SUSD1: variants seen among roughly 807,000 people sequenced by gnomAD.
SUSD1 encodes the protein sushi domain-containing protein 1.
Under a neutral mutation model 86.9 loss-of-function variants are expected in SUSD1, and 65 were observed. The ratio of observed to expected loss-of-function variants is 0.75; its 90% CI spans 0.61 to 0.92. SUSD1 has a LOEUF of 0.92. Ranked by LOEUF, SUSD1 falls within the 40% of genes least tolerant of loss-of-function variation. SUSD1 has a pLI of 0.00. For synonymous variants in SUSD1, 346 were observed against 350.0 expected (o/e 0.99, Z 0.13); for missense variants, 850 against 929.7 (o/e 0.91, Z 1.11).
At chr9:112,058,180 C>G (rs1473487446) in intron 14 of SUSD1, among the ~76,000 whole-genome samples, 1 of 139,764 alleles carries the variant, frequency 7.2e-6, no homozygotes, top group Non-Finnish European at 1.5e-5. Context: ...ATCTGTAAAG[C>G]TTAAGAGTAA....
rs763031970 is a variant in SUSD1, at chr9:112,149,264, T to C, written c.353A>G (p.Asn118Ser). 5.0e-6 allele frequency: 8 copies of C among 1,614,166 alleles called. 1 individual carries two copies. Among genetic ancestry groups the C allele is most frequent in the South Asian group, 4.4e-5 (4 of 91,086 alleles). The change falls in exon 3 of 17, where the codon AAC (asparagine) becomes AGC (serine). Residue 118 changes from asparagine to serine, a missense_variant. By Grantham distance (46) the Asn-to-Ser change is conservative. Coordinates refer to ENST00000374270, the MANE Select transcript of SUSD1 (RefSeq NM_022486.5). ...ATNNNKTFIP[N>S]DGTFCTDIDE... ...AGTACCTGTACAAAAGGTGCCATCG[T>C]TGGGAATGAATGTCTTGTTGTTGTT...
chr9:112,048,870 A>G (rs548254100), intron 15 of SUSD1, among the ~76,000 whole-genome samples: 2 of 152,232 alleles, frequency 1.3e-5, no homozygotes, highest in Admixed American at 6.5e-5. Flanking sequence ...TTAAGAGGAG[A>G]AAGCATGGGC....
intron 13 of SUSD1, among the ~76,000 whole-genome samples, chr9:112,061,776 G>A (rs948694806): frequency 2.0e-5 from 3 of 151,750 alleles, no homozygotes; most frequent in Admixed American, 1.3e-4. Context: ...AGATAATATC[G>A]CCAGACTTTC....
At chr9:112,117,830 G>T (rs1016261423) in intron 6 of SUSD1, among the ~76,000 whole-genome samples, 7 of 152,170 alleles carry the variant, frequency 4.6e-5, no homozygotes, top group African/African-American at 1.7e-4. Flanking sequence ...GCTAAATGTT[G>T]TGGAAAGGTT....
At chr9:112,098,810 A>G (rs1044939471) in intron 9 of SUSD1, 148 bp from the exon 10 acceptor site, 1 of 745,770 alleles carries the variant, frequency 1.3e-6, no homozygotes, top group African/African-American at 1.8e-5. Context: ...TAGCAAGCTA[A>G]CCTGAGGAAG....
chr9:112,070,746 T>C (rs1320528793), intron 12 of SUSD1, among the ~76,000 whole-genome samples: 3 of 151,932 alleles, frequency 2.0e-5, no homozygotes, highest in African/African-American at 4.8e-5. Flanking sequence ...AAATGTATCA[T>C]AAAATTACAG....
At chr9:112,166,448 A>T (rs1833830775) in intron 1 of SUSD1, among the ~76,000 whole-genome samples, 1 of 152,184 alleles carries the variant, frequency 6.6e-6, no homozygotes, top group Non-Finnish European at 1.5e-5. Flanking sequence ...GGGCCTGAGA[A>T]TCTGCATTTC....
intron 9 of SUSD1, 112 bp downstream of exon 9, chr9:112,102,064 C>T (rs535028875): frequency 1.3e-5 from 7 of 538,118 alleles, no homozygotes; most frequent in African/African-American, 1.2e-4. Flanking sequence ...ACAACAATCA[C>T]AAACTGTCTA....
At chr9:112,149,164 C>T (rs1488912437) in intron 3 of SUSD1, 80 bp downstream of exon 3, 5 of 1,539,210 alleles carry the variant, frequency 3.2e-6, no homozygotes, top group Non-Finnish European at 4.4e-6. Context: ...AACATTAATT[C>T]CCTAATATTA....
At chr9:112,093,948 G>A (rs112606454) in intron 10 of SUSD1, among the ~76,000 whole-genome samples, 3 of 152,034 alleles carry the variant, frequency 2.0e-5, no homozygotes, top group Non-Finnish European at 4.4e-5. Flanking sequence ...TTTTATTTCA[G>A]TCTTTCTTTT....
At position 112,107,325 on chromosome 9, in the gene SUSD1, T is replaced by A. The variant is rs150725290; in HGVS notation, c.1171+4329A>T. On this transcript the variant is annotated intron_variant, in intron 8 of 16. Coordinates refer to ENST00000374270, the MANE Select transcript of SUSD1 (RefSeq NM_022486.5). Reference sequence around the variant, plus strand: ...GAGGCCAGACGTGGTGGCTCACACCTGTAGTCCCAGCTACTTGGGAGGCTA... The same window carrying A: ...GAGGCCAGACGTGGTGGCTCACACCAGTAGTCCCAGCTACTTGGGAGGCTA... Among the ~76,000 whole-genome samples, 52 of 149,778 alleles carry A rather than the reference T, an allele frequency of 3.5e-4. 1 individual carries two copies. In the East Asian group the frequency reaches 1.0e-2, roughly 29 times the overall value.
At chr9:112,047,021 C>T (rs1054304052) in intron 15 of SUSD1, among the ~76,000 whole-genome samples, 1 of 152,122 alleles carries the variant, frequency 6.6e-6, no homozygotes, top group African/African-American at 2.4e-5. Context: ...TGCTCAGGGC[C>T]TGTATTAGTC....
At chr9:112,088,864 G>A (rs1830089187) in intron 10 of SUSD1, among the ~76,000 whole-genome samples, 1 of 152,126 alleles carries the variant, frequency 6.6e-6, no homozygotes. Flanking sequence ...CCAGCACTTT[G>A]GGAGGCCAAA....
At chr9:112,066,746 T>A (rs1300625699) in intron 12 of SUSD1, among the ~76,000 whole-genome samples, 1 of 152,178 alleles carries the variant, frequency 6.6e-6, no homozygotes, top group Non-Finnish European at 1.5e-5. Flanking sequence ...ATGGTTCTTA[T>A]GGGGCCAGCA....
At chr9:112,060,782 T>C (rs1054575868) in intron 13 of SUSD1, among the ~76,000 whole-genome samples, 1 of 152,200 alleles carries the variant, frequency 6.6e-6, no homozygotes, top group Admixed American at 6.5e-5. Flanking sequence ...CCCTACATCA[T>C]AGCCACAGGT....
At chr9:112,155,048 C>G (rs1833234085) in intron 2 of SUSD1, among the ~76,000 whole-genome samples, 1 of 152,090 alleles carries the variant, frequency 6.6e-6, no homozygotes, top group South Asian at 2.1e-4. Flanking sequence ...GTCGGGAGTT[C>G]AAGACCAGCC....
chr9:112,084,404 A>G (rs1829889818), intron 10 of SUSD1, among the ~76,000 whole-genome samples: 1 of 152,214 alleles, frequency 6.6e-6, no homozygotes, highest in Non-Finnish European at 1.5e-5. Flanking sequence ...AATATAAAAA[A>G]GCAAAATGAA....
At chr9:112,098,704 T>G in intron 9 of SUSD1, 42 bp from the exon 10 acceptor site, 1 of 1,592,408 alleles carries the variant, frequency 6.3e-7, no homozygotes, top group Non-Finnish European at 8.6e-7. Flanking sequence ...AGATTTTCCA[T>G]TGACTAACAG....
intron 12 of SUSD1, among the ~76,000 whole-genome samples, chr9:112,072,425 C>T (rs1829325195): frequency 6.6e-6 from 1 of 152,072 alleles, no homozygotes; most frequent in African/African-American, 2.4e-5. Context: ...GCATGAGCCA[C>T]CGTGCCTGGC....
Sources: allele counts gnomAD v4.1 joint callset (sites outside exome capture counted in the v4.1 genomes callset), GRCh38; gene constraint gnomAD v4.1.1; transcripts MANE v1.5; gene names NCBI Gene and HGNC (gene_info 2026-07-23, HGNC 2026-07-21).